The following EFL1 variants were observed in gnomAD, a reference collection of about 807,000 sequenced individuals.
EFL1 encodes the protein elongation factor like GTPase 1.
A neutral mutation model predicts 126.7 loss-of-function variants in EFL1; 76 were observed. That is an observed-to-expected ratio of 0.60 (90% CI 0.50 to 0.73). The LOEUF is 0.73. EFL1 is among the 30% of genes least tolerant of loss of function. The probability of loss-of-function intolerance (pLI) is 0.00; values close to 1 mark genes in which losing one functional copy is unlikely to be tolerated. For missense variants in EFL1, 1,128 were observed against 1,343.2 expected (o/e 0.84, Z 2.50); for synonymous variants, 410 against 448.4 (o/e 0.91, Z 1.08).
At chr15:82,180,988 G>A (rs1465640562) in intron 15 of EFL1, among the ~76,000 whole-genome samples, 1 of 152,040 alleles carries the variant, frequency 6.6e-6, no homozygotes, top group East Asian at 1.9e-4. Flanking sequence ...TCGGCCTCCT[G>A]AAGTGCTGGG....
chr15:82,180,102 G>GATC (rs2074234281), intron 15 of EFL1, among the ~76,000 whole-genome samples: 1 of 152,066 alleles, frequency 6.6e-6, no homozygotes, highest in African/African-American at 2.4e-5. Context: ...CACCTCTACT[G>GATC]ATCACACTTA....
intron 15 of EFL1, among the ~76,000 whole-genome samples, chr15:82,205,626 A>G (rs1385051989): frequency 6.6e-6 from 1 of 152,190 alleles, no homozygotes; most frequent in Non-Finnish European, 1.5e-5. Flanking sequence ...TCTTTAACTG[A>G]CAAATTTCAA....
intron 18 of EFL1, among the ~76,000 whole-genome samples, chr15:82,150,123 T>G (rs1374327732): frequency 1.3e-5 from 2 of 152,326 alleles, no homozygotes; most frequent in Admixed American, 1.3e-4. Context: ...GTATATGACA[T>G]GCTGTATTTG....
At chr15:82,161,838 T>C (rs1382548764) in intron 16 of EFL1, among the ~76,000 whole-genome samples, 5 of 152,232 alleles carry the variant, frequency 3.3e-5, no homozygotes, top group Admixed American at 3.3e-4. Flanking sequence ...CACTAGGTAC[T>C]AGAATCCTTC....
In EFL1 at chr15:82,262,724, CGG is replaced by C. The variant is rs1434388287; in HGVS notation, c.-132_-131del. 2 of 871,180 alleles carry C rather than the reference CGG, an allele frequency of 2.3e-6. No individual in the cohort carries two copies. Among genetic ancestry groups the C allele is most frequent in the African/African-American group, 3.5e-5 (2 of 56,414 alleles). 54.0% of individuals were successfully genotyped at this position (871,180 alleles called of 1,614,324 possible). On this transcript the variant is annotated 5_prime_UTR_variant, in exon 1 of 20. Transcript: ENST00000268206. ...TCCGACACGCCCGCGCGCCAGGGGG[CGG>C]GGCCGGCTGTCGCTCGACCTTTCAC...
chr15:82,225,375 A>G (rs2074752730), intron 11 of EFL1, 111 bp from the exon 12 acceptor site: 5 of 745,002 alleles, frequency 6.7e-6, no homozygotes, highest in Non-Finnish European at 8.2e-6. Flanking sequence ...CATCATCAAA[A>G]TACACCAGAA....
At chr15:82,169,059 T>A (rs1185896383) in intron 15 of EFL1, among the ~76,000 whole-genome samples, 1 of 152,182 alleles carries the variant, frequency 6.6e-6, no homozygotes, top group East Asian at 2.0e-4. Flanking sequence ...CAGACTACCA[T>A]CATTCAATTA....
chr15:82,249,742 A>G (rs2075004689), intron 4 of EFL1, among the ~76,000 whole-genome samples: 1 of 152,102 alleles, frequency 6.6e-6, no homozygotes, highest in Non-Finnish European at 1.5e-5. Flanking sequence ...CAATATTTGT[A>G]GCAAATTTTG....
intron 12 of EFL1, among the ~76,000 whole-genome samples, chr15:82,222,836 G>A (rs1358991588): frequency 2.3e-4 from 35 of 152,192 alleles, no homozygotes; most frequent in Non-Finnish European, 4.4e-5. Context: ...CTTCTTGAAG[G>A]GGCAATAGTT....
chr15:82,250,282 A>G (rs1396670523), intron 4 of EFL1, among the ~76,000 whole-genome samples: 1 of 119,416 alleles, frequency 8.4e-6, no homozygotes, highest in Non-Finnish European at 1.7e-5. Context: ...TGCACTGTCA[A>G]GTGTGATGAC....
intron 16 of EFL1, 149 bp from the exon 17 acceptor site, chr15:82,158,009 AG>A: frequency 2.2e-6 from 2 of 915,758 alleles, no homozygotes; most frequent in Non-Finnish European, 3.1e-6. Flanking sequence ...AGTGATGTGA[AG>A]AAAACTACCT....
chr15:82,260,124 A>T (rs2075100690), intron 2 of EFL1, among the ~76,000 whole-genome samples: 1 of 152,236 alleles, frequency 6.6e-6, no homozygotes, highest in East Asian at 1.9e-4. Flanking sequence ...TACTTGTTGA[A>T]TGGATGAATC....
At chr15:82,239,525 A>C (rs1258570902) in intron 6 of EFL1, among the ~76,000 whole-genome samples, 1 of 152,178 alleles carries the variant, frequency 6.6e-6, no homozygotes, top group Non-Finnish European at 1.5e-5. Context: ...TAACAAATAA[A>C]TATACTCAAG....
chr15:82,202,647 C>T (rs2074481931), intron 15 of EFL1, among the ~76,000 whole-genome samples: 1 of 152,126 alleles, frequency 6.6e-6, no homozygotes, highest in Admixed American at 6.5e-5. Flanking sequence ...ATCAGAGAGG[C>T]CTGTTGCCCA....
In EFL1 at chr15:82,151,644, G is replaced by C. The variant is rs1567041719; in HGVS notation, c.2810C>G (p.Ala937Gly). Residue 937 changes from alanine (A) to glycine (G), a missense_variant, in exon 18 of 20, where the codon GCC becomes GGC. Physicochemically the swap from Ala to Gly is moderately conservative, Grantham distance 60 (BLOSUM62 0). Transcript: ENST00000268206. ...TTTCTGTGATGTCCTCTTCTCAAAG[G>C]CCTCAGAGCAGCCATCTTGTAGCTC... ...NQELQDGCSE[A>G]FEKRTSQKGE... The C allele has an allele frequency of 9.9e-6, 16 of 1,614,150 alleles. No individual in the cohort carries two copies. The highest frequency in any genetic ancestry group is 1.4e-5 in the Non-Finnish European group (16 of 1,180,018).
At chr15:82,230,644 T>G (rs1367818853) in intron 8 of EFL1, among the ~76,000 whole-genome samples, 1 of 152,160 alleles carries the variant, frequency 6.6e-6, no homozygotes, top group African/African-American at 2.4e-5. Context: ...CTTTGCTCAC[T>G]ATACTTAAAA....
Position 82,241,267 on chromosome 15 carries a change from T to C in EFL1, c.378+3A>G. 2 of 1,613,854 alleles carry C rather than the reference T, an allele frequency of 1.2e-6. No homozygotes were observed. The highest frequency in any genetic ancestry group is 8.5e-7 in the Non-Finnish European group (1 of 1,179,854). ...TAAGTATTTTCTCATCACAATCCATTACCTGTGGACAGACTCCTTCCACAG... is the reference window on the plus strand; with the variant it reads ...TAAGTATTTTCTCATCACAATCCATCACCTGTGGACAGACTCCTTCCACAG... On this transcript the variant is annotated splice_donor_region_variant and intron_variant, in intron 5 of 19. Coordinates refer to ENST00000268206, the MANE Select transcript of EFL1 (RefSeq NM_024580.6).
intron 15 of EFL1, among the ~76,000 whole-genome samples, chr15:82,198,142 G>A (rs1278461441): frequency 1.3e-5 from 2 of 152,170 alleles, no homozygotes; most frequent in Non-Finnish European, 1.5e-5. Flanking sequence ...CATTGAAATT[G>A]CACTCTGTTT....
intron 14 of EFL1, among the ~76,000 whole-genome samples, chr15:82,217,255 T>C (rs1271511476): frequency 6.6e-6 from 1 of 151,822 alleles, no homozygotes; most frequent in Admixed American, 6.6e-5. Flanking sequence ...ATTGGAATTA[T>C]CTTGTTAAGC....
Sources: allele counts gnomAD v4.1 joint callset (sites outside exome capture counted in the v4.1 genomes callset), GRCh38; gene constraint gnomAD v4.1.1; transcripts MANE v1.5; gene names NCBI Gene and HGNC (gene_info 2026-07-23, HGNC 2026-07-21).